Variants in BLMH observed in about 807,000 individuals in gnomAD.
The protein encoded by BLMH is bleomycin hydrolase.
In BLMH, 32 loss-of-function variants were observed where a neutral mutation model predicts 61.6. The observed-to-expected ratio is 0.52, with a 90% confidence interval of 0.39 to 0.70. The LOEUF (loss-of-function observed/expected upper bound fraction) is 0.70. Ranked by LOEUF, BLMH falls within the 30% of genes least tolerant of loss-of-function variation. BLMH has a pLI of 0.00. For missense variants in BLMH, 460 were observed against 555.5 expected (o/e 0.83, Z 1.73); for synonymous variants, 183 against 193.8 (o/e 0.94, Z 0.46).
chr17:30,255,896 CAA>C (rs1377074437), intron 11 of BLMH, among the ~76,000 whole-genome samples: 2 of 151,562 alleles, frequency 1.3e-5, no homozygotes, highest in Non-Finnish European at 2.9e-5. Context: ...GACTCCGTCT[CAA>C]AAAAAAGAGA....
intron 11 of BLMH, chr17:30,249,665 TACA>T (rs1019249703): frequency 1.3e-5 from 2 of 153,102 alleles, no homozygotes; most frequent in Non-Finnish European, 2.9e-5. Context: ...CACACACTCC[TACA>T]ACAACCAGGC....
At chr17:30,262,880 G>A (rs1381846840) in intron 11 of BLMH, among the ~76,000 whole-genome samples, 1 of 152,170 alleles carries the variant, frequency 6.6e-6, no homozygotes, top group Non-Finnish European at 1.5e-5. Flanking sequence ...GAAATTTTGG[G>A]TGGCTGCATA....
chr17:30,267,566 A>C (rs1908145992), intron 10 of BLMH, among the ~76,000 whole-genome samples: 1 of 152,224 alleles, frequency 6.6e-6, no homozygotes, highest in African/African-American at 2.4e-5. Flanking sequence ...AAAAGTAAAA[A>C]GACCATTTTC....
chr17:30,273,029 T>C (rs1193873973), intron 7 of BLMH, 130 bp from the exon 8 acceptor site: 1 of 1,007,510 alleles, frequency 9.9e-7, no homozygotes, highest in African/African-American at 1.6e-5. Flanking sequence ...TACAGCCACA[T>C]TGTTAAGTAA....
intron 3 of BLMH, 142 bp downstream of exon 3, chr17:30,289,231 T>C (rs1437121683): frequency 6.9e-6 from 3 of 435,960 alleles, no homozygotes; most frequent in South Asian, 8.5e-5. Flanking sequence ...GAGTCAACTT[T>C]TGATACTCTG....
rs1010041135 is a variant in BLMH at position 30,272,794 on chromosome 17, G to A, written c.907C>T (p.Gln303Ter). ...ATCTTTTTCAGGAAGTCAATGGGCT[G>A]GTTGTTGTATAGAGTTTTTCTCCCT... Reference protein sequence around the residue: ...VGGRKTLYNNQPIDFLKKMVA... With the variant: ...VGGRKTLYNN The change falls in exon 8 of 12, where the codon CAG becomes TAG. Residue 303 changes from glutamine to a stop codon, truncating the protein, a stop_gained. Transcript: ENST00000261714. LOFTEE classifies it high-confidence loss of function. The A allele has an allele frequency of 6.2e-7, 1 of 1,614,178 alleles. No individual in the cohort carries two copies. The highest frequency in any genetic ancestry group is 8.5e-7 in the Non-Finnish European group (1 of 1,180,042).
chr17:30,287,299 T>G (rs1323774378), intron 4 of BLMH, among the ~76,000 whole-genome samples: 1 of 152,222 alleles, frequency 6.6e-6, no homozygotes, highest in African/African-American at 2.4e-5. Context: ...AGTGCTAGGA[T>G]TACATGCCTG....
At position 30,272,787 on chromosome 17, in the gene BLMH, A is replaced by G. The variant is rs758428403; in HGVS notation, c.914T>C (p.Ile305Thr). 3.7e-5 allele frequency: 59 copies of G among 1,614,054 alleles called. No individual in the cohort carries two copies. The highest frequency in any genetic ancestry group is 1.3e-4 in the Admixed American group (8 of 59,998). Residue 305 changes from isoleucine to threonine, a missense_variant, in exon 8 of 12, where the codon ATT (isoleucine) becomes ACT (threonine). Ile to Thr is a moderately conservative substitution (Grantham distance 89). Coordinates refer to ENST00000261714, the MANE Select transcript of BLMH (RefSeq NM_000386.4). The part of the protein sequence containing the change: ...GRKTLYNNQP[I>T]DFLKKMVAAS... ...AGCAACCATCTTTTTCAGGAAGTCA[A>G]TGGGCTGGTTGTTGTATAGAGTTTT...
At chr17:30,268,656 CAG>C (rs1908175639) in intron 10 of BLMH, among the ~76,000 whole-genome samples, 1 of 149,168 alleles carries the variant, frequency 6.7e-6, no homozygotes, top group South Asian at 2.1e-4. Flanking sequence ...TATTCTATAA[CAG>C]AGATAGAAAT....
At chr17:30,253,680 AG>A (rs1907734261) in intron 11 of BLMH, among the ~76,000 whole-genome samples, 1 of 152,222 alleles carries the variant, frequency 6.6e-6, no homozygotes, top group Non-Finnish European at 1.5e-5. Flanking sequence ...CAAGGAAAAA[AG>A]AAAAGAAAAC....
chr17:30,278,105 T>C (rs1180876747), intron 6 of BLMH, among the ~76,000 whole-genome samples: 2 of 152,188 alleles, frequency 1.3e-5, no homozygotes, highest in Non-Finnish European at 2.9e-5. Context: ...AAATAAGCTC[T>C]CATTAAAAAA....
rs922969960 is a variant in BLMH at position 30,291,721 on chromosome 17, C to G, written c.13+86G>C. 25 of 1,417,938 alleles carry G rather than the reference C, an allele frequency of 1.8e-5. No individual in the cohort carries two copies. In the African/African-American group the frequency reaches 3.3e-4, roughly 19 times the overall value. 87.8% of individuals were successfully genotyped at this position (1,417,938 alleles called of 1,614,324 possible). A position where few individuals can be genotyped will look rare whatever the true frequency, so the allele number is the denominator to read the frequency against. Reference sequence around the variant, plus strand: ...CCCTCCCCGCCATCGCCAAGGGTCCCAGCCCCCGGCCTTCCCCGCCGCCGG... The same window carrying G: ...CCCTCCCCGCCATCGCCAAGGGTCCGAGCCCCCGGCCTTCCCCGCCGCCGG... On this transcript the variant is annotated intron_variant, in intron 1 of 11. Coordinates refer to ENST00000261714, the MANE Select transcript of BLMH (RefSeq NM_000386.4).
chr17:30,287,015 T>C, intron 4 of BLMH, 113 bp from the exon 5 acceptor site: 5 of 683,952 alleles, frequency 7.3e-6, no homozygotes, highest in Non-Finnish European at 1.0e-5. Context: ...TCAGAAAATC[T>C]TATACTTCAT....
chr17:30,289,333 A>C, intron 3 of BLMH, 40 bp downstream of exon 3: 1 of 1,366,142 alleles, frequency 7.3e-7, no homozygotes. Context: ...ACCAAGGCTG[A>C]TATCAATACA....
chr17:30,248,842 T>G lies in BLMH; in HGVS notation c.*175A>C. The G allele has an allele frequency of 1.4e-6, 1 of 715,186 alleles. No homozygotes were observed. The highest frequency in any genetic ancestry group is 1.8e-5 in the African/African-American group (1 of 55,838). The allele number at this position is 715,186 out of a possible 1,614,324, so 44.3% of individuals were successfully genotyped here. On this transcript the variant is annotated 3_prime_UTR_variant, in exon 12 of 12. Transcript: ENST00000261714. ...CCCCCTCTTTTTTTTCCTTTAACAG[T>G]ATTCTGTTTCAGCATAAAGCACACT...
chr17:30,281,576 A>G (rs1908593246), intron 6 of BLMH, among the ~76,000 whole-genome samples: 1 of 152,206 alleles, frequency 6.6e-6, no homozygotes. Flanking sequence ...TCACCCTTCA[A>G]GATCCCAGGA....
intron 11 of BLMH, among the ~76,000 whole-genome samples, chr17:30,265,126 A>G (rs1267883463): frequency 6.6e-6 from 1 of 152,266 alleles, no homozygotes; most frequent in African/African-American, 2.4e-5. Flanking sequence ...AGAGAAATGC[A>G]GTAACAGCAC....
At chr17:30,277,254 A>G (rs1199253949) in intron 6 of BLMH, among the ~76,000 whole-genome samples, 1 of 152,346 alleles carries the variant, frequency 6.6e-6, no homozygotes, top group African/African-American at 2.4e-5. Context: ...AAGGAGGCAG[A>G]GTATCACATA....
chr17:30,269,568 A>T (rs2143021576), intron 10 of BLMH, among the ~76,000 whole-genome samples: 1 of 152,310 alleles, frequency 6.6e-6, no homozygotes, highest in East Asian at 1.9e-4. Flanking sequence ...CACTTAAATC[A>T]CCTTTTGCTG....
Sources: allele counts gnomAD v4.1 joint callset (sites outside exome capture counted in the v4.1 genomes callset), GRCh38; gene constraint gnomAD v4.1.1; transcripts MANE v1.5; gene names NCBI Gene and HGNC (gene_info 2026-07-23, HGNC 2026-07-21).